The following LRP12 variants were observed in gnomAD, a reference collection of about 807,000 sequenced individuals.
LRP12 encodes the protein LDL receptor related protein 12.
Under a neutral mutation model 66.0 loss-of-function variants are expected in LRP12, and 14 were observed. The observed-to-expected ratio is 0.21, with a 90% CI of 0.14 to 0.33. The LOEUF (loss-of-function observed/expected upper bound fraction) is 0.33, where lower values mean the gene tolerates loss of function less well. LRP12 is among the 10% of genes least tolerant of loss of function. The pLI, the probability that LRP12 is intolerant of heterozygous loss-of-function variation, is 1.00. For synonymous variants in LRP12, 357 were observed against 359.1 expected (o/e 0.99, Z 0.07); for missense variants, 889 against 1,053.4 (o/e 0.84, Z 2.16).
intron 2 of LRP12, among the ~76,000 whole-genome samples, chr8:104,513,620 C>G (rs577885277): frequency 6.6e-6 from 1 of 152,152 alleles, no homozygotes; most frequent in Non-Finnish European, 1.5e-5. Context: ...TTCTGGAGCA[C>G]CTGACACTGA....
At chr8:104,574,895 G>A (rs1812138639) in intron 1 of LRP12, among the ~76,000 whole-genome samples, 1 of 152,062 alleles carries the variant, frequency 6.6e-6, no homozygotes, top group African/African-American at 2.4e-5. Context: ...TTATATCTGA[G>A]ATGCTTCTAA....
chr8:104,548,337 A>G (rs1311114327), intron 1 of LRP12, among the ~76,000 whole-genome samples: 1 of 8,352 alleles, frequency 1.2e-4, no homozygotes, highest in Non-Finnish European at 1.6e-4. Context: ...TATATTATAT[A>G]AATATATAAA....
Position 104,534,499 on chromosome 8 carries a change from C to A in LRP12, c.80-2536G>T, listed in dbSNP as rs575656176. Among the ~76,000 whole-genome samples, 3 of 152,084 alleles carry A rather than the reference C, an allele frequency of 2.0e-5. No individual in the cohort carries two copies. The South Asian group carries it at 6.2e-4, about 32-fold the overall frequency. ...AAACAGGTGAACAGAATATATAGTT[C>A]ATTCCCATCATTCTGGATAAACAGA... On this transcript the variant is annotated intron_variant, in intron 1 of 6. Transcript: ENST00000276654.
chr8:104,548,279 TTAATA>T (rs1350287200), intron 1 of LRP12, among the ~76,000 whole-genome samples: 3 of 90,486 alleles, frequency 3.3e-5, no homozygotes, highest in Non-Finnish European at 5.5e-5. Flanking sequence ...ATATATTATA[TTAATA>T]TATCATATAT....
chr8:104,572,290 T>C (rs375079069), intron 1 of LRP12, among the ~76,000 whole-genome samples: 75 of 151,258 alleles, frequency 5.0e-4, no homozygotes, highest in African/African-American at 1.7e-3. Flanking sequence ...CAGGCAAGAG[T>C]TTTCTGGGGG....
In LRP12 at chr8:104,588,840, G is replaced by A. The variant is rs1327308568; in HGVS notation, c.58C>T (p.Leu20Phe). 25 of 1,612,596 alleles carry A rather than the reference G, an allele frequency of 1.6e-5. No individual in the cohort carries two copies. The highest frequency in any genetic ancestry group is 2.1e-5 in the Non-Finnish European group (25 of 1,179,460). Residue 20 changes from leucine (L) to phenylalanine (F), a missense_variant, in exon 1 of 7, where the codon CTT becomes TTT. Around this residue, in one of 3 missense-constraint regions of LRP12, gnomAD observed 88 missense variants for 72.5 expected, o/e 1.21. Transcript: ENST00000276654. ...TTACCGTACACCCCAGCGAGGAAAA[G>A]CAAGAGCAACGCAGACCTCCACCGC... The part of the protein sequence containing the change: ...SPRWRSALLL[L>F]FLAGVYGNGA...
intron 6 of LRP12, among the ~76,000 whole-genome samples, 183 bp downstream of exon 6, chr8:104,494,894 A>T (rs898086480): frequency 1.3e-5 from 2 of 152,244 alleles, no homozygotes; most frequent in Non-Finnish European, 2.9e-5. Flanking sequence ...CAGAGGAATG[A>T]AAAATATACT....
intron 1 of LRP12, among the ~76,000 whole-genome samples, chr8:104,548,110 A>T: frequency 8.7e-6 from 1 of 114,518 alleles, no homozygotes; most frequent in African/African-American, 3.4e-5. Context: ...ATTCTGTTAT[A>T]TTATATTTTG....
At chr8:104,544,766 G>A (rs1318423678) in intron 1 of LRP12, among the ~76,000 whole-genome samples, 4 of 152,122 alleles carry the variant, frequency 2.6e-5, no homozygotes, top group African/African-American at 9.7e-5. Context: ...ATTCCTGCTT[G>A]CTGGCAATTC....
chr8:104,511,301 C>T (rs71520891), intron 2 of LRP12, among the ~76,000 whole-genome samples: 10,473 of 151,460 alleles, frequency 0.069, 414 homozygotes, highest in South Asian at 0.08. Flanking sequence ...CTCAGCCTCC[C>T]GAAGTGCTGG....
At chr8:104,521,059 G>C (rs575347427) in intron 2 of LRP12, among the ~76,000 whole-genome samples, 1 of 152,062 alleles carries the variant, frequency 6.6e-6, no homozygotes, top group African/African-American at 2.4e-5. Context: ...TCTAATGCTG[G>C]AGTTATTGTT....
intron 5 of LRP12, among the ~76,000 whole-genome samples, 176 bp downstream of exon 5, chr8:104,496,796 T>C (rs1328393214): frequency 6.6e-6 from 1 of 152,204 alleles, no homozygotes; most frequent in Non-Finnish European, 1.5e-5. Flanking sequence ...TAGTTTGTAA[T>C]GTGTCTGGCC....
rs2140824352 is a variant in LRP12 at position 104,490,677 on chromosome 8, C to T, written c.2576G>A (p.Cys859Tyr). Residue 859 changes from cysteine to tyrosine, a missense_variant, in exon 7 of 7, where the codon TGT becomes TAT. Coordinates refer to ENST00000276654, the MANE Select transcript of LRP12 (RefSeq NM_013437.5). Reference sequence around the variant, plus strand: ...TCTCCCTTATGTGATTCGTACCTAACAAAGTAACAAAGCCTCATCATCACT... The same window carrying T: ...TCTCCCTTATGTGATTCGTACCTAATAAAGTAACAAAGCCTCATCATCACT... The part of the protein sequence containing the change: ...ETSDDEALLL[C>Y] The T allele has an allele frequency of 1.2e-6, 2 of 1,608,118 alleles. No homozygotes were observed. The highest frequency in any genetic ancestry group is 4.5e-5 in the East Asian group (2 of 44,858).
chr8:104,548,271 ATAT>A (rs1173106390), intron 1 of LRP12, among the ~76,000 whole-genome samples: 1 of 94,684 alleles, frequency 1.1e-5, no homozygotes, highest in African/African-American at 4.9e-5. Flanking sequence ...TATATGATAT[ATAT>A]TATATTAATA....
At chr8:104,515,339 T>C (rs962815340) in intron 2 of LRP12, among the ~76,000 whole-genome samples, 3 of 152,198 alleles carry the variant, frequency 2.0e-5, no homozygotes, top group Non-Finnish European at 4.4e-5. Context: ...AATAAATAAA[T>C]CTTGTCAGTA....
intron 2 of LRP12, among the ~76,000 whole-genome samples, chr8:104,523,461 G>A (rs1811180191): frequency 6.6e-6 from 1 of 152,094 alleles, no homozygotes; most frequent in Non-Finnish European, 1.5e-5. Context: ...TTAATTATAT[G>A]ACATACTATA....
At chr8:104,563,721 C>T (rs1811951601) in intron 1 of LRP12, among the ~76,000 whole-genome samples, 1 of 151,950 alleles carries the variant, frequency 6.6e-6, no homozygotes, top group Non-Finnish European at 1.5e-5. Context: ...GCCTCTTTTG[C>T]CATGTGAGGA....
At chr8:104,558,732 T>C (rs902478986) in intron 1 of LRP12, among the ~76,000 whole-genome samples, 7 of 151,128 alleles carry the variant, frequency 4.6e-5, no homozygotes, top group African/African-American at 7.3e-5. Flanking sequence ...ATATCTAGAA[T>C]CTACAAGGAA....
intron 1 of LRP12, among the ~76,000 whole-genome samples, chr8:104,576,617 C>T (rs1812169410): frequency 6.6e-6 from 1 of 152,134 alleles, no homozygotes. Context: ...AAGCACTAAA[C>T]ATGGGAAGGA....
Sources: allele counts gnomAD v4.1 joint callset (sites outside exome capture counted in the v4.1 genomes callset), GRCh38; gene constraint gnomAD v4.1.1; regional missense constraint gnomAD v4.1.1; transcripts MANE v1.5; gene names NCBI Gene and HGNC (gene_info 2026-07-23, HGNC 2026-07-21).